Variants in LAMC2 observed in about 807,000 individuals in gnomAD.
LAMC2 encodes the protein laminin subunit gamma-2.
A neutral mutation model predicts 140.2 loss-of-function variants in LAMC2; 97 were observed. The ratio of observed to expected loss-of-function variants is 0.69; its 90% CI spans 0.59 to 0.82. The LOEUF (loss-of-function observed/expected upper bound fraction) is 0.82, where lower values mean the gene tolerates loss of function less well. LAMC2 is among the 40% of genes least tolerant of loss of function. The pLI, the probability that LAMC2 is intolerant of heterozygous loss-of-function variation, is 0.00. For missense variants in LAMC2, 1,402 were observed against 1,476.1 expected (o/e 0.95, Z 0.82); for synonymous variants, 513 against 540.2 (o/e 0.95, Z 0.70).
In LAMC2 at chr1:183,220,951, C is replaced by G; in HGVS notation, c.630C>G (p.Thr210=). ...AEYSVHKITS[T]FHQDVDGWKA... ...ACAGTGTCCATAAGATCACCTCTAC[C>G]TTTCATCAAGGTAAAGCCTTCTATT... The change falls in exon 5 of 23, where the codon ACC becomes ACG. Residue 210 remains threonine (T), a synonymous_variant. Coordinates refer to ENST00000264144, the MANE Select transcript of LAMC2 (RefSeq NM_005562.3). 1 of 1,614,150 alleles carries G rather than the reference C, an allele frequency of 6.2e-7. No homozygotes were observed. The highest frequency in any genetic ancestry group is 8.5e-7 in the Non-Finnish European group (1 of 1,180,014).
At chr1:183,242,254 C>A (rs1027938221) in intron 22 of LAMC2, among the ~76,000 whole-genome samples, 3 of 152,212 alleles carry the variant, frequency 2.0e-5, no homozygotes, top group East Asian at 1.9e-4. Context: ...TTCTCCCTGA[C>A]CCCAAGTGAA....
intron 7 of LAMC2, among the ~76,000 whole-genome samples, chr1:183,223,959 G>C (rs565482035): frequency 2.0e-5 from 3 of 152,286 alleles, no homozygotes; most frequent in South Asian, 2.1e-4. Flanking sequence ...GTGCTCAGTA[G>C]TGCACTGGAG....
rs769517224 is a variant in LAMC2, at chr1:183,228,430, G to T, written c.1525G>T (p.Gly509Cys). ...GYFGDPFGEH[G>C]PVRPCQPCQC... Reference sequence around the variant, plus strand: ...CTTTGGGGACCCCTTTGGTGAACATGGCCCAGTGAGGCCTTGTCAGCCCTG... The same window carrying T: ...CTTTGGGGACCCCTTTGGTGAACATTGCCCAGTGAGGCCTTGTCAGCCCTG... Residue 509 changes from glycine (G) to cysteine (C), a missense_variant, in exon 11 of 23, where the codon GGC (glycine) becomes TGC (cysteine). Physicochemically the swap from Gly to Cys is radical, Grantham distance 159. Around this residue, in one of 3 missense-constraint regions of LAMC2, gnomAD observed 723 missense variants for 783.3 expected, o/e 0.92. Coordinates refer to ENST00000264144, the MANE Select transcript of LAMC2 (RefSeq NM_005562.3). The surrounding 1 kb of genome is among the most constrained non-coding windows in gnomAD (Gnocchi z 4.3). 9 of 1,613,902 alleles carry T rather than the reference G, an allele frequency of 5.6e-6. No individual in the cohort carries two copies. Among genetic ancestry groups the T allele is most frequent in the Non-Finnish European group, 7.6e-6 (9 of 1,179,990 alleles).
At chr1:183,189,799 G>A (rs1031191506) in intron 1 of LAMC2, among the ~76,000 whole-genome samples, 4 of 152,204 alleles carry the variant, frequency 2.6e-5, no homozygotes, top group African/African-American at 7.2e-5. Context: ...ATCCAAATGT[G>A]TATATACAAA....
At chr1:183,242,535 A>G (rs1213751713) in intron 22 of LAMC2, among the ~76,000 whole-genome samples, 1 of 152,218 alleles carries the variant, frequency 6.6e-6, no homozygotes. Context: ...TGCTTGAACA[A>G]ACGTGATTTT....
At chr1:183,245,895 C>T (rs1476026451), downstream of LAMC2, among the ~76,000 whole-genome samples, 2 of 152,150 alleles carry the variant, frequency 1.3e-5, no homozygotes, top group Non-Finnish European at 2.9e-5. Flanking sequence ...AGAGGCTGGG[C>T]GCGGTGGCTC....
chr1:183,220,717 A>T, intron 4 of LAMC2, 108 bp from the exon 5 acceptor site: 1 of 1,185,536 alleles, frequency 8.4e-7, no homozygotes, highest in Non-Finnish European at 1.2e-6. Context: ...TCTGAAAATT[A>T]ATAGGGCCAA....
At chr1:183,215,417 C>T in intron 2 of LAMC2, 36 bp from the exon 3 acceptor site, 1 of 1,613,104 alleles carries the variant, frequency 6.2e-7, no homozygotes, top group Non-Finnish European at 8.5e-7. Flanking sequence ...AATATTTCTT[C>T]TTCTTCTTTC....
At position 183,186,323 on chromosome 1, in the gene LAMC2, G is replaced by C. The variant is rs1658145077; in HGVS notation, c.-30G>C. 6.3e-7 allele frequency: 1 copy of C among 1,575,150 alleles called. No homozygotes were observed. The highest frequency in any genetic ancestry group is 8.6e-7 in the Non-Finnish European group (1 of 1,167,360). ...GCGCCGGGCAGCGACCCCTGCAGCG[G>C]AGACAGAGACTGAGCGGCCCGGCCC... On this transcript the variant is annotated 5_prime_UTR_variant, in exon 1 of 23. Transcript: ENST00000264144.
chr1:183,223,694 A>G (rs1659543203), intron 7 of LAMC2, among the ~76,000 whole-genome samples: 1 of 152,204 alleles, frequency 6.6e-6, no homozygotes, highest in Admixed American at 6.5e-5. Flanking sequence ...AAGAGAAGGG[A>G]GGAAAGGTTA....
At chr1:183,194,465 A>G (rs964623701) in intron 1 of LAMC2, among the ~76,000 whole-genome samples, 1 of 152,244 alleles carries the variant, frequency 6.6e-6, no homozygotes, top group African/African-American at 2.4e-5. Flanking sequence ...CTTGTACAAA[A>G]AAAGTATTGT....
chr1:183,188,909 T>C (rs1658238982), intron 1 of LAMC2, among the ~76,000 whole-genome samples: 1 of 152,192 alleles, frequency 6.6e-6, no homozygotes, highest in African/African-American at 2.4e-5. Flanking sequence ...TGCCAGGCTG[T>C]TCAGTAGGAT....
chr1:183,225,836 C>T, intron 8 of LAMC2, 116 bp downstream of exon 8: 1 of 705,152 alleles, frequency 1.4e-6, no homozygotes, highest in Non-Finnish European at 2.6e-6. Context: ...ATGATCCTGA[C>T]TTAGAATCAC....
intron 11 of LAMC2, among the ~76,000 whole-genome samples, chr1:183,230,607 A>G (rs1434898327): frequency 2.6e-5 from 4 of 152,100 alleles, no homozygotes; most frequent in African/African-American, 9.6e-5. Context: ...CTGAGCTCAC[A>G]TTCCTCATCT....
intron 1 of LAMC2, among the ~76,000 whole-genome samples, chr1:183,203,854 G>A (rs986132717): frequency 2.6e-5 from 4 of 152,102 alleles, no homozygotes; most frequent in Non-Finnish European, 5.9e-5. Flanking sequence ...ATTGCCCTTG[G>A]CTTTAAGGGA....
chr1:183,197,764 T>A (rs1283078945), intron 1 of LAMC2, among the ~76,000 whole-genome samples: 1 of 151,662 alleles, frequency 6.6e-6, no homozygotes, highest in Non-Finnish European at 1.5e-5. Context: ...GAGGATGAAG[T>A]TTGGGCCAAG....
chr1:183,239,917 A>G, intron 20 of LAMC2, 123 bp from the exon 21 acceptor site: 2 of 1,018,256 alleles, frequency 2.0e-6, no homozygotes, highest in Non-Finnish European at 3.1e-6. Flanking sequence ...TTCTCTCATT[A>G]TTCATCTAAT....
chr1:183,229,868 G>C (rs1659749629), intron 11 of LAMC2, among the ~76,000 whole-genome samples: 1 of 152,116 alleles, frequency 6.6e-6, no homozygotes, highest in African/African-American at 2.4e-5. Flanking sequence ...TGGGTTAGCT[G>C]TGATATGCTA....
chr1:183,216,086 C>T (rs1320936302), intron 3 of LAMC2, among the ~76,000 whole-genome samples: 2 of 152,208 alleles, frequency 1.3e-5, no homozygotes, highest in Admixed American at 1.3e-4. Context: ...AACCAATCTG[C>T]AGAGATGCAG....
Sources: gnomAD v4.1 joint callset for allele counts (sites outside exome capture counted in the v4.1 genomes callset) on GRCh38, gnomAD v4.1.1 for gene constraint, gnomAD v4.1.1 regional missense constraint, Gnocchi (gnomAD v3.1) non-coding constraint, MANE v1.5 for transcripts, NCBI Gene and HGNC (gene_info 2026-07-23, HGNC 2026-07-21) for gene names.